MAGI3: variants seen among roughly 807,000 people sequenced by gnomAD.
MAGI3 encodes membrane associated guanylate kinase, WW and PDZ domain containing 3, also known as membrane-associated guanylate kinase, WW and PDZ domain-containing protein 3.
A neutral mutation model predicts 121.8 loss-of-function variants in MAGI3; 43 were observed. The observed-to-expected ratio is 0.35, with a 90% CI of 0.28 to 0.46. The LOEUF is 0.46. MAGI3 is among the 20% of genes least tolerant of loss of function. The pLI, the probability that MAGI3 is intolerant of heterozygous loss-of-function variation, is 1.00. For synonymous variants in MAGI3, 553 were observed against 639.3 expected (o/e 0.86, Z 2.04); for missense variants, 1,547 against 1,797.3 (o/e 0.86, Z 2.52).
At chr1:113,680,769 AAAAC>A (rs1424244529) in intron 19 of MAGI3, among the ~76,000 whole-genome samples, 16 of 152,150 alleles carry the variant, frequency 1.1e-4, no homozygotes, top group Admixed American at 3.3e-4. Context: ...AAAGCAAAAC[AAAAC>A]AAACAAACAA....
chr1:113,413,123 A>G (rs906777888), intron 1 of MAGI3, among the ~76,000 whole-genome samples: 2 of 152,158 alleles, frequency 1.3e-5, no homozygotes, highest in Non-Finnish European at 2.9e-5. Flanking sequence ...AGCACCATTT[A>G]TTACATAGGG....
chr1:113,470,133 A>C (rs980574234), intron 1 of MAGI3, among the ~76,000 whole-genome samples: 3 of 152,006 alleles, frequency 2.0e-5, no homozygotes, highest in Non-Finnish European at 4.4e-5. Flanking sequence ...AAATGAATTT[A>C]TCTGTAGGCA....
intron 17 of MAGI3, 22 bp from the exon 18 acceptor site, chr1:113,672,593 A>G: frequency 6.2e-7 from 1 of 1,604,154 alleles, no homozygotes; most frequent in Non-Finnish European, 8.5e-7. Context: ...TCAGAGAGTG[A>G]CTTGATTTCT....
chr1:113,561,206 A>G (rs1018206816), intron 2 of MAGI3, among the ~76,000 whole-genome samples: 6 of 152,192 alleles, frequency 3.9e-5, no homozygotes, highest in African/African-American at 7.2e-5. Flanking sequence ...AGCTGGCACC[A>G]TTTCTTCTGA....
At chr1:113,436,811 C>CTTTT (rs1026496354) in intron 1 of MAGI3, among the ~76,000 whole-genome samples, 38 of 124,126 alleles carry the variant, frequency 3.1e-4, no homozygotes, top group Non-Finnish European at 4.3e-4. Flanking sequence ...TAAAGACAGT[C>CTTTT]TTTTTTTTTT....
chr1:113,582,220 C>T (rs1004985149), intron 3 of MAGI3, among the ~76,000 whole-genome samples: 6 of 152,036 alleles, frequency 3.9e-5, no homozygotes, highest in African/African-American at 9.7e-5. Context: ...TGGAGAGCAT[C>T]GTGGCAGTAG....
Position 113,593,544 on chromosome 1 carries a change from A to AAAT in MAGI3, c.939-919_939-917dup, listed in dbSNP as rs930068442. 9.2e-5 allele frequency among the ~76,000 whole-genome samples: 14 copies of AAAT among 152,030 alleles called. No individual in the cohort carries two copies. In the East Asian group the frequency reaches 1.4e-3, roughly 15 times the overall value. On this transcript the variant is annotated intron_variant, in intron 5 of 20. Coordinates refer to ENST00000307546, the MANE Select transcript of MAGI3 (RefSeq NM_001142782.2). ...TGCAACAGAGCAAGACTCTGTCTCA[A>AAAT]AATAATAATAATAATAATAACAATA...
intron 1 of MAGI3, among the ~76,000 whole-genome samples, chr1:113,516,916 C>G (rs1000538280): frequency 6.6e-6 from 1 of 152,002 alleles, no homozygotes; most frequent in African/African-American, 2.4e-5. Flanking sequence ...CTCAAAAACA[C>G]ATAACCCCAG....
intron 15 of MAGI3, among the ~76,000 whole-genome samples, chr1:113,654,842 A>G (rs1653386002): frequency 6.6e-6 from 1 of 152,296 alleles, no homozygotes; most frequent in African/African-American, 2.4e-5. Flanking sequence ...TTGCCTTTAC[A>G]AGTCAGTTTG....
intron 1 of MAGI3, among the ~76,000 whole-genome samples, chr1:113,431,127 C>T (rs774871785): frequency 4.2e-4 from 64 of 151,956 alleles, no homozygotes; most frequent in Middle Eastern, 3.2e-3. Context: ...GGGGCCTGGG[C>T]GATGGAGTGA....
At chr1:113,623,476 A>ACACACACACACC (rs1220974818) in intron 9 of MAGI3, among the ~76,000 whole-genome samples, 1 of 23,376 alleles carries the variant, frequency 4.3e-5, no homozygotes, top group Non-Finnish European at 8.1e-5. Flanking sequence ...ACACACACAC[A>ACACACACACACC]CACACACACA....
At chr1:113,434,095 A>AC (rs1329060333) in intron 1 of MAGI3, among the ~76,000 whole-genome samples, 1 of 152,152 alleles carries the variant, frequency 6.6e-6, no homozygotes, top group Non-Finnish European at 1.5e-5. Context: ...TTAGAGCTGT[A>AC]CCCTGGTAGC....
chr1:113,669,630 A>G (rs569136102), intron 16 of MAGI3, among the ~76,000 whole-genome samples: 48 of 152,258 alleles, frequency 3.2e-4, no homozygotes, highest in Non-Finnish European at 6.0e-4. Flanking sequence ...CCTGGGTTCA[A>G]ACGATTCTCC....
intron 1 of MAGI3, among the ~76,000 whole-genome samples, chr1:113,538,283 A>G (rs1659098460): frequency 6.6e-6 from 1 of 152,230 alleles, no homozygotes; most frequent in Admixed American, 6.5e-5. Flanking sequence ...AGTCTTGGAC[A>G]TTCTGTTGAA....
At chr1:113,437,357 T>G (rs1357563551) in intron 1 of MAGI3, among the ~76,000 whole-genome samples, 1 of 152,132 alleles carries the variant, frequency 6.6e-6, no homozygotes, top group African/African-American at 2.4e-5. Context: ...TTAAACTGAT[T>G]ACTAATTCAG....
chr1:113,532,908 C>A (rs1658793305), intron 1 of MAGI3, among the ~76,000 whole-genome samples: 1 of 152,148 alleles, frequency 6.6e-6, no homozygotes, highest in South Asian at 2.1e-4. Flanking sequence ...TTACAACAGA[C>A]TTTTTCCAAC....
At chr1:113,601,129 C>G (rs1266448701) in intron 6 of MAGI3, among the ~76,000 whole-genome samples, 1 of 151,794 alleles carries the variant, frequency 6.6e-6, no homozygotes, top group Admixed American at 6.6e-5. Context: ...AGAAGAAAAC[C>G]TAGGCAATAC....
At chr1:113,554,849 G>A (rs923425659) in intron 2 of MAGI3, among the ~76,000 whole-genome samples, 2 of 152,054 alleles carry the variant, frequency 1.3e-5, no homozygotes, top group Non-Finnish European at 2.9e-5. Flanking sequence ...AATGATGCTG[G>A]GCATGCTGGC....
At chr1:113,647,960 C>CA (rs1652944133) in intron 12 of MAGI3, among the ~76,000 whole-genome samples, 1 of 150,190 alleles carries the variant, frequency 6.7e-6, no homozygotes, top group South Asian at 2.1e-4. Context: ...CTTGCTCTGT[C>CA]ACCCGGAGCT....
Sources: allele counts gnomAD v4.1 joint callset (sites outside exome capture counted in the v4.1 genomes callset), GRCh38; gene constraint gnomAD v4.1.1; transcripts MANE v1.5; gene names NCBI Gene and HGNC (gene_info 2026-07-23, HGNC 2026-07-21).